ATXN10: variants seen among roughly 807,000 people sequenced by gnomAD.
ATXN10 encodes the protein ataxin-10.
Under a neutral mutation model 52.9 loss-of-function variants are expected in ATXN10, and 28 were observed. The ratio of observed to expected loss-of-function variants is 0.53; its 90% CI spans 0.39 to 0.73. The LOEUF (loss-of-function observed/expected upper bound fraction) is 0.73. Ranked by LOEUF, ATXN10 falls within the 30% of genes least tolerant of loss-of-function variation. The probability of loss-of-function intolerance (pLI) is 0.00; values close to 1 mark genes in which losing one functional copy is unlikely to be tolerated. For missense variants in ATXN10, 565 were observed against 577.0 expected (o/e 0.98, Z 0.21); for synonymous variants, 226 against 221.5 (o/e 1.02, Z -0.18).
chr22:45,740,215 G>T, intron 8 of ATXN10, 154 bp from the exon 9 acceptor site: 1 of 727,300 alleles, frequency 1.4e-6, no homozygotes, highest in South Asian at 1.9e-5. Context: ...TGAAGCAAAG[G>T]CAGAAGAGCC....
rs73441920 is a variant in ATXN10 at position 45,805,494 on chromosome 22, G to A, written c.1174-1465G>A. The stretch of plus-strand genomic sequence containing the variant: ...TGGAAAAATGCAATGTGGCATATCC[G>A]TACAATGCACTGTTCACGTTACTCA... On this transcript the variant is annotated intron_variant, in intron 9 of 11. Transcript: ENST00000252934. The surrounding 1 kb of genome is among the most constrained non-coding windows in gnomAD (Gnocchi z 4.4). Among the ~76,000 whole-genome samples, 1,306 of 152,260 alleles carry A rather than the reference G, an allele frequency of 8.6e-3. 11 individuals are homozygous for A. Among genetic ancestry groups the A allele is most frequent in the African/African-American group, 0.029 (1,225 of 41,538 alleles).
chr22:45,735,388 G>T (rs2146796324), intron 7 of ATXN10, among the ~76,000 whole-genome samples: 1 of 151,622 alleles, frequency 6.6e-6, no homozygotes. Flanking sequence ...CCAACTCCTG[G>T]GCTTGAGGAT....
At chr22:45,796,375 C>T (rs555436941) in intron 9 of ATXN10, among the ~76,000 whole-genome samples, 14 of 152,268 alleles carry the variant, frequency 9.2e-5, no homozygotes, top group Admixed American at 1.3e-4. Flanking sequence ...ATTCTAGTTT[C>T]GCCCTGGCCT....
chr22:45,802,087 T>C (rs1053690494), intron 9 of ATXN10, among the ~76,000 whole-genome samples: 4 of 152,242 alleles, frequency 2.6e-5, no homozygotes, highest in Non-Finnish European at 5.9e-5. Context: ...TCTGGCATTA[T>C]TGGCTAATGT....
At chr22:45,729,814 A>G in intron 7 of ATXN10, 1 of 587,700 alleles carries the variant, frequency 1.7e-6, no homozygotes, top group South Asian at 1.7e-5. Flanking sequence ...AATTTTCTAG[A>G]CAGATGACAT....
At chr22:45,682,370 G>T (rs1160730869) in intron 1 of ATXN10, among the ~76,000 whole-genome samples, 1 of 151,810 alleles carries the variant, frequency 6.6e-6, no homozygotes, top group African/African-American at 2.4e-5. Context: ...AGGCTGGAGT[G>T]CAGGGGCACG....
chr22:45,738,594 T>C, intron 7 of ATXN10, 137 bp from the exon 8 acceptor site: 1 of 730,448 alleles, frequency 1.4e-6, no homozygotes, highest in Non-Finnish European at 2.2e-6. Context: ...CTTCATAGTT[T>C]TGTTTTTCTC....
intron 10 of ATXN10, among the ~76,000 whole-genome samples, chr22:45,813,121 C>A (rs902744684): frequency 6.6e-6 from 1 of 152,206 alleles, no homozygotes. Flanking sequence ...GCCCAACTCA[C>A]TTTTGGGTCA....
At chr22:45,755,581 G>A (rs138194) in intron 9 of ATXN10, among the ~76,000 whole-genome samples, 12 of 152,240 alleles carry the variant, frequency 7.9e-5, no homozygotes, top group African/African-American at 2.6e-4. Context: ...GCTACTAATA[G>A]TAATAATTTG....
Position 45,705,726 on chromosome 22 carries a change from G to A in ATXN10, c.647+2879G>A, listed in dbSNP as rs565892330. Among the ~76,000 whole-genome samples, 2 of 152,200 alleles carry A rather than the reference G, an allele frequency of 1.3e-5. No individual in the cohort carries two copies. Among genetic ancestry groups the A allele is most frequent in the South Asian group, 2.1e-4 (1 of 4,816 alleles). ...TGGGATTACAGGCGTGAGCCACCGC[G>A]CCCGGCCTCCACTTGTTACGGGTCT... On this transcript the variant is annotated intron_variant, in intron 5 of 11. Coordinates refer to ENST00000252934, the MANE Select transcript of ATXN10 (RefSeq NM_013236.4). The surrounding 1 kb of genome is among the most constrained non-coding windows in gnomAD (Gnocchi z 5.2).
At chr22:45,829,494 C>A (rs1928921019) in intron 10 of ATXN10, among the ~76,000 whole-genome samples, 1 of 152,112 alleles carries the variant, frequency 6.6e-6, no homozygotes, top group Non-Finnish European at 1.5e-5. Context: ...CCCCCTCATA[C>A]ACAAAAACCA....
chr22:45,813,983 G>A (rs1336779817), intron 10 of ATXN10, among the ~76,000 whole-genome samples: 1 of 152,134 alleles, frequency 6.6e-6, no homozygotes, highest in East Asian at 1.9e-4. Context: ...CTCATAAATG[G>A]TGCTGGACCA....
At position 45,728,290 on chromosome 22, in the gene ATXN10, A is replaced by C. The variant is rs1235443770; in HGVS notation, c.729-1135A>C. 1.3e-5 allele frequency among the ~76,000 whole-genome samples: 2 copies of C among 152,180 alleles called. No homozygotes were observed. The highest frequency in any genetic ancestry group is 1.5e-5 in the Non-Finnish European group (1 of 68,038). Reference sequence around the variant, plus strand: ...AATTTATTTTTAAAGATTATATATAAATAAGGGAAAACAGAAATTCTCTAA... The same window carrying C: ...AATTTATTTTTAAAGATTATATATACATAAGGGAAAACAGAAATTCTCTAA... On this transcript the variant is annotated intron_variant, in intron 6 of 11. Transcript: ENST00000252934. The surrounding 1 kb of genome is among the most constrained non-coding windows in gnomAD (Gnocchi z 4.3).
chr22:45,672,056 G>T lies in ATXN10; in HGVS notation c.-8G>T, dbSNP rs746125594. On this transcript the variant is annotated 5_prime_UTR_variant, in exon 1 of 12. Transcript: ENST00000252934. ...CTCGTCAGGCTCGACCCAGCTGTGA[G>T]CGGCAAGATGGCGGCGCCCAGGCCG... 6.5e-6 allele frequency: 10 copies of T among 1,535,890 alleles called. No individual in the cohort carries two copies. The highest frequency in any genetic ancestry group is 8.7e-6 in the Non-Finnish European group (10 of 1,144,866).
intron 3 of ATXN10, among the ~76,000 whole-genome samples, chr22:45,699,441 A>T (rs1368640391): frequency 1.3e-5 from 2 of 148,556 alleles, no homozygotes; most frequent in African/African-American, 5.0e-5. Flanking sequence ...TCTGAGTGTT[A>T]ATATTCTAAA....
intron 9 of ATXN10, among the ~76,000 whole-genome samples, chr22:45,788,748 C>T (rs886694777): frequency 6.6e-6 from 1 of 152,056 alleles, no homozygotes; most frequent in African/African-American, 2.4e-5. Flanking sequence ...CTTTGAACTC[C>T]TGAGCGATCC....
chr22:45,817,318 C>CTTT (rs11326332), intron 10 of ATXN10, among the ~76,000 whole-genome samples: 5 of 98,708 alleles, frequency 5.1e-5, no homozygotes, highest in Admixed American at 1.1e-4. Flanking sequence ...ATTGATTTAA[C>CTTT]TTTTTTTTTT....
Position 45,689,490 on chromosome 22 carries a change from C to A in ATXN10, c.117-222C>A, listed in dbSNP as rs1923281570. Reference sequence around the variant, plus strand: ...CAGTGTTGGCCTCATAAGGCTGTTGCAGAGACTGAGATAATACATGAGAAG... The same window carrying A: ...CAGTGTTGGCCTCATAAGGCTGTTGAAGAGACTGAGATAATACATGAGAAG... On this transcript the variant is annotated intron_variant, in intron 1 of 11. Transcript: ENST00000252934. 5.2e-6 allele frequency: 3 copies of A among 577,250 alleles called. No homozygotes were observed. The South Asian group carries it at 6.1e-5, about 12-fold the overall frequency. The allele number at this position is 577,250 out of a possible 1,614,324, so 35.8% of individuals were successfully genotyped here. A position where few individuals can be genotyped will look rare whatever the true frequency, so the allele number is the denominator to read the frequency against.
intron 7 of ATXN10, among the ~76,000 whole-genome samples, chr22:45,735,639 T>C (rs1471014125): frequency 2.6e-5 from 4 of 152,148 alleles, no homozygotes; most frequent in Non-Finnish European, 5.9e-5. Flanking sequence ...TGCATTTTAA[T>C]GGACAGGAAT....
Sources: allele counts gnomAD v4.1 joint callset (sites outside exome capture counted in the v4.1 genomes callset), GRCh38; gene constraint gnomAD v4.1.1; non-coding constraint Gnocchi (gnomAD v3.1); transcripts MANE v1.5; gene names NCBI Gene and HGNC (gene_info 2026-07-23, HGNC 2026-07-21).